GPR158: variants seen among roughly 807,000 people sequenced by gnomAD.
The protein encoded by GPR158 is metabotropic glycine receptor.
In GPR158, 30 loss-of-function variants were observed where a neutral mutation model predicts 78.2. The ratio of observed to expected loss-of-function variants is 0.38; its 90% confidence interval spans 0.29 to 0.52. GPR158 has a LOEUF of 0.52. Among genes scored for constraint, GPR158 ranks in the 20% least tolerant of loss-of-function variants. The pLI is 0.83. For missense variants in GPR158, 1,463 were observed against 1,523.5 expected (o/e 0.96, Z 0.66); for synonymous variants, 581 against 591.1 (o/e 0.98, Z 0.25).
intron 3 of GPR158, among the ~76,000 whole-genome samples, chr10:25,410,718 G>C (rs1190232253): frequency 6.6e-6 from 1 of 152,212 alleles, no homozygotes; most frequent in Non-Finnish European, 1.5e-5. Flanking sequence ...GTTGTCTCAT[G>C]TCACAGAGTT....
intron 2 of GPR158, among the ~76,000 whole-genome samples, chr10:25,296,623 A>G (rs2130770308): frequency 6.6e-6 from 1 of 151,888 alleles, no homozygotes; most frequent in East Asian, 1.9e-4. Flanking sequence ...GTATGTTAAA[A>G]GTATCAAAAA....
chr10:25,365,826 G>A (rs1057486157), intron 2 of GPR158, among the ~76,000 whole-genome samples: 2 of 151,576 alleles, frequency 1.3e-5, no homozygotes, highest in South Asian at 2.1e-4. Context: ...AACGTACTTC[G>A]AGAGAAAACA....
At chr10:25,181,729 T>G (rs1334628098) in intron 1 of GPR158, among the ~76,000 whole-genome samples, 1 of 152,336 alleles carries the variant, frequency 6.6e-6, no homozygotes, top group Admixed American at 6.5e-5. Context: ...TATTTATTTC[T>G]TTTTTTGAGA....
chr10:25,208,704 C>T (rs766253273), intron 1 of GPR158, among the ~76,000 whole-genome samples: 1 of 151,962 alleles, frequency 6.6e-6, no homozygotes, highest in Non-Finnish European at 1.5e-5. Flanking sequence ...CACATGGTGG[C>T]CTCTACAAAC....
At position 25,572,757 on chromosome 10, in the gene GPR158, C is replaced by T; in HGVS notation, c.1623C>T (p.Leu541=). The T allele has an allele frequency of 6.2e-7, 1 of 1,613,626 alleles. No homozygotes were observed. The highest frequency in any genetic ancestry group is 8.5e-7 in the Non-Finnish European group (1 of 1,179,566). Residue 541 remains leucine (L), a synonymous_variant, in exon 7 of 11, where the codon CTC becomes CTT. Coordinates refer to ENST00000376351, the MANE Select transcript of GPR158 (RefSeq NM_020752.3). ...AVILLVVFWF[L]IGWTSSVCQN... ...TACTCTTGGTAGTGTTTTGGTTTCT[C>T]ATTGGCTGGACTTCATCTGTGTGCC...
chr10:25,413,414 C>G (rs1189787795), intron 4 of GPR158, among the ~76,000 whole-genome samples: 1 of 152,148 alleles, frequency 6.6e-6, no homozygotes, highest in Admixed American at 6.5e-5. Flanking sequence ...CAGGACAAAG[C>G]TTTTGGGGGA....
chr10:25,204,387 G>A (rs1253543642), intron 1 of GPR158, among the ~76,000 whole-genome samples: 2 of 152,030 alleles, frequency 1.3e-5, no homozygotes, highest in Non-Finnish European at 2.9e-5. Flanking sequence ...ATTGGCTGTG[G>A]GTTTGTCATA....
Position 25,601,560 on chromosome 10 carries a change from A to C in GPR158, c.*2286A>C, listed in dbSNP as rs185228403. On this transcript the variant is annotated 3_prime_UTR_variant, in exon 11 of 11. Transcript: ENST00000376351. Reference sequence around the variant, plus strand: ...TGATCCTGCTAGAGATGTGAGTTAAAAAGACTTGCCAAATTATATCTTAGC... The same window carrying C: ...TGATCCTGCTAGAGATGTGAGTTAACAAGACTTGCCAAATTATATCTTAGC... The C allele has an allele frequency of 6.5e-6, 1 of 152,730 alleles. No homozygotes were observed. Among genetic ancestry groups the C allele is most frequent in the Admixed American group, 6.5e-5 (1 of 15,272 alleles). The allele number at this position is 152,730 out of a possible 1,614,324, so 9.5% of individuals were successfully genotyped here.
At chr10:25,322,610 T>A (rs1854968783) in intron 2 of GPR158, among the ~76,000 whole-genome samples, 1 of 152,180 alleles carries the variant, frequency 6.6e-6, no homozygotes, top group Non-Finnish European at 1.5e-5. Context: ...ATAATTTACT[T>A]TGCCTAGATT....
intron 2 of GPR158, among the ~76,000 whole-genome samples, chr10:25,342,951 C>T (rs1212826245): frequency 6.6e-6 from 1 of 151,708 alleles, no homozygotes; most frequent in Admixed American, 6.6e-5. Flanking sequence ...AGCTTTTTTT[C>T]ACCTAAGGAA....
chr10:25,319,493 A>G (rs1204067799), intron 2 of GPR158, among the ~76,000 whole-genome samples: 1 of 152,170 alleles, frequency 6.6e-6, no homozygotes, highest in Non-Finnish European at 1.5e-5. Context: ...TTCTAAGAGA[A>G]TCTCTCATAT....
rs546545849 is a variant in GPR158, at chr10:25,436,958, T to G, written c.1335+24485T>G. ...GGAGGGATGAGGTCTGAGCTACCCCTAAAGGAGGAGTTTCACAGAGACAAA... is the reference window on the plus strand; with the variant it reads ...GGAGGGATGAGGTCTGAGCTACCCCGAAAGGAGGAGTTTCACAGAGACAAA... On this transcript the variant is annotated intron_variant, in intron 4 of 10. Coordinates refer to ENST00000376351, the MANE Select transcript of GPR158 (RefSeq NM_020752.3). 3.1e-4 allele frequency among the ~76,000 whole-genome samples: 47 copies of G among 152,142 alleles called. 1 individual carries two copies. The highest frequency in any genetic ancestry group is 1.1e-3 in the African/African-American group (46 of 41,524).
chr10:25,399,926 G>T (rs911753031), intron 3 of GPR158, among the ~76,000 whole-genome samples: 1 of 152,128 alleles, frequency 6.6e-6, no homozygotes, highest in Admixed American at 6.6e-5. Flanking sequence ...TGTAGCCCTT[G>T]AACCAAAGGT....
intron 2 of GPR158, among the ~76,000 whole-genome samples, chr10:25,344,854 A>T (rs1855351765): frequency 6.6e-6 from 1 of 151,958 alleles, no homozygotes; most frequent in South Asian, 2.1e-4. Context: ...GAAGTCCAAT[A>T]TCAAGGTGCC....
intron 2 of GPR158, among the ~76,000 whole-genome samples, chr10:25,224,175 C>G (rs1354701830): frequency 1.3e-5 from 2 of 152,032 alleles, no homozygotes; most frequent in African/African-American, 4.8e-5. Context: ...TAGATTTGGT[C>G]AGTTTTCACA....
chr10:25,432,896 T>C lies in GPR158; in HGVS notation c.1335+20423T>C, dbSNP rs572047509. Among the ~76,000 whole-genome samples, 26 of 152,198 alleles carry C rather than the reference T, an allele frequency of 1.7e-4. No individual in the cohort carries two copies. The South Asian group carries it at 4.8e-3, about 28-fold the overall frequency. On this transcript the variant is annotated intron_variant, in intron 4 of 10. Transcript: ENST00000376351. Reference sequence around the variant, plus strand: ...TACCCTTAAGGAGTTTCTGTTCCAGTGTGGGGTTGGTAGTGATAGATAATA... The same window carrying C: ...TACCCTTAAGGAGTTTCTGTTCCAGCGTGGGGTTGGTAGTGATAGATAATA...
chr10:25,534,489 C>A (rs1389855421), intron 5 of GPR158, among the ~76,000 whole-genome samples: 1 of 143,046 alleles, frequency 7.0e-6, no homozygotes, highest in Admixed American at 7.0e-5. Context: ...ATGCAAAAAA[C>A]AAAACAAAAC....
At chr10:25,247,726 T>C (rs1853718149) in intron 2 of GPR158, among the ~76,000 whole-genome samples, 1 of 151,992 alleles carries the variant, frequency 6.6e-6, no homozygotes, top group Non-Finnish European at 1.5e-5. Flanking sequence ...TGTTGGACAT[T>C]TGGGTTGCTT....
intron 4 of GPR158, among the ~76,000 whole-genome samples, chr10:25,430,365 T>G (rs1490652740): frequency 1.0e-4 from 15 of 150,270 alleles, no homozygotes; most frequent in East Asian, 2.0e-4. Flanking sequence ...TAAAAGAGGA[T>G]ACAAACAAAT....
Sources: allele counts gnomAD v4.1 joint callset (sites outside exome capture counted in the v4.1 genomes callset), GRCh38; gene constraint gnomAD v4.1.1; transcripts MANE v1.5; gene names NCBI Gene and HGNC (gene_info 2026-07-23, HGNC 2026-07-21).